Variants in GRM7 observed in about 807,000 individuals in gnomAD.
GRM7 encodes the protein metabotropic glutamate receptor 7.
In GRM7, 35 loss-of-function variants were observed where a neutral mutation model predicts 84.5. The observed-to-expected ratio is 0.41, with a 90% CI of 0.32 to 0.55. The LOEUF is 0.55. GRM7 is among the 20% of genes least tolerant of loss of function. GRM7 has a pLI of 0.19. For synonymous variants in GRM7, 487 were observed against 455.1 expected (o/e 1.07, Z -0.89); for missense variants, 1,003 against 1,194.6 (o/e 0.84, Z 2.36).
intron 8 of GRM7, among the ~76,000 whole-genome samples, chr3:7,663,987 G>A (rs1699572356): frequency 6.6e-6 from 1 of 152,204 alleles, no homozygotes; most frequent in Non-Finnish European, 1.5e-5. Flanking sequence ...GACAAGAAAA[G>A]CTTGTCTCAA....
chr3:7,213,686 C>T (rs543093372), intron 2 of GRM7, among the ~76,000 whole-genome samples: 9 of 152,230 alleles, frequency 5.9e-5, no homozygotes, highest in South Asian at 2.1e-4. Flanking sequence ...CTCAGTTGAG[C>T]CCATAGTGGA....
At chr3:7,270,093 A>G (rs1698797211) in intron 2 of GRM7, among the ~76,000 whole-genome samples, 1 of 152,244 alleles carries the variant, frequency 6.6e-6, no homozygotes, top group South Asian at 2.1e-4. Flanking sequence ...CATAGCATTT[A>G]CATTTCTAAG....
At chr3:7,010,177 A>G (rs1695323051) in intron 1 of GRM7, among the ~76,000 whole-genome samples, 1 of 152,306 alleles carries the variant, frequency 6.6e-6, no homozygotes, top group Admixed American at 6.5e-5. Context: ...CGGGACGGGC[A>G]TGGTGCCTTA....
At chr3:7,460,763 C>T (rs901080480) in intron 6 of GRM7, among the ~76,000 whole-genome samples, 2 of 152,110 alleles carry the variant, frequency 1.3e-5, no homozygotes, top group African/African-American at 2.4e-5. Flanking sequence ...CATAGTTTTC[C>T]AGTTGTTCTA....
chr3:7,146,769 T>G, intron 2 of GRM7, 101 bp downstream of exon 2: 3 of 766,802 alleles, frequency 3.9e-6, no homozygotes, highest in Non-Finnish European at 4.4e-6. Context: ...GACTCTTACA[T>G]TCCCAGAGTC....
At chr3:6,930,355 T>C (rs539796287) in intron 1 of GRM7, among the ~76,000 whole-genome samples, 30 of 152,344 alleles carry the variant, frequency 2.0e-4, no homozygotes, top group Admixed American at 3.9e-4. Flanking sequence ...TAAAACTTAC[T>C]GGAAGAACAT....
At chr3:7,007,804 G>C (rs556983925) in intron 1 of GRM7, among the ~76,000 whole-genome samples, 4 of 152,168 alleles carry the variant, frequency 2.6e-5, no homozygotes, top group Non-Finnish European at 5.9e-5. Context: ...GTCAGCAGTA[G>C]CTTCCAGTTT....
chr3:7,557,782 C>T (rs1394978011), intron 7 of GRM7, among the ~76,000 whole-genome samples: 1 of 152,096 alleles, frequency 6.6e-6, no homozygotes, highest in Non-Finnish European at 1.5e-5. Context: ...TGAATGGAGG[C>T]ACGAAAATGT....
chr3:7,233,071 C>G (rs140493693), intron 2 of GRM7, among the ~76,000 whole-genome samples: 1 of 152,082 alleles, frequency 6.6e-6, no homozygotes, highest in African/African-American at 2.4e-5. Flanking sequence ...AAAGCTATTA[C>G]CAAGTTTTGA....
chr3:6,876,284 A>G (rs541186498), intron 1 of GRM7, among the ~76,000 whole-genome samples: 1 of 151,812 alleles, frequency 6.6e-6, no homozygotes, highest in East Asian at 1.9e-4. Flanking sequence ...AAAAAAAATT[A>G]TTATGGCATG....
At position 7,337,397 on chromosome 3, in the gene GRM7, A is replaced by C. The variant is rs1701462331; in HGVS notation, c.1033+30745A>C. 1.3e-5 allele frequency among the ~76,000 whole-genome samples: 2 copies of C among 152,116 alleles called. 1 individual carries two copies. Among genetic ancestry groups the C allele is most frequent in the South Asian group, 4.1e-4 (2 of 4,834 alleles). On this transcript the variant is annotated intron_variant, in intron 4 of 9. Transcript: ENST00000357716. Reference sequence around the variant, plus strand: ...GAACCCACAACCAAATGCAACAAAGACAAATATAAGTAGATGGGACTTAAT... The same window carrying C: ...GAACCCACAACCAAATGCAACAAAGCCAAATATAAGTAGATGGGACTTAAT...
intron 2 of GRM7, among the ~76,000 whole-genome samples, chr3:7,192,876 A>G (rs1695755455): frequency 6.6e-6 from 1 of 152,102 alleles, no homozygotes; most frequent in Admixed American, 6.6e-5. Context: ...ATGAGATGTC[A>G]CTGGTGAATC....
At chr3:6,894,931 A>C (rs1696119996) in intron 1 of GRM7, among the ~76,000 whole-genome samples, 1 of 152,190 alleles carries the variant, frequency 6.6e-6, no homozygotes, top group East Asian at 1.9e-4. Context: ...AGTGTAATAA[A>C]CAGAGGCCAG....
At chr3:6,937,841 G>T (rs1697743677) in intron 1 of GRM7, among the ~76,000 whole-genome samples, 1 of 152,196 alleles carries the variant, frequency 6.6e-6, no homozygotes, top group Non-Finnish European at 1.5e-5. Flanking sequence ...TTGTGGTCAT[G>T]ATCATTATCA....
At chr3:6,957,687 T>C (rs1693116552) in intron 1 of GRM7, among the ~76,000 whole-genome samples, 1 of 152,156 alleles carries the variant, frequency 6.6e-6, no homozygotes, top group Non-Finnish European at 1.5e-5. Context: ...ATATCCACCA[T>C]CAGCCCATCC....
chr3:7,418,403 C>T (rs2125185833), intron 5 of GRM7, among the ~76,000 whole-genome samples: 1 of 152,260 alleles, frequency 6.6e-6, no homozygotes, highest in Non-Finnish European at 1.5e-5. Context: ...AACACAACTT[C>T]CATTTGACAG....
At chr3:7,127,497 A>C (rs1455434194) in intron 1 of GRM7, among the ~76,000 whole-genome samples, 1 of 152,222 alleles carries the variant, frequency 6.6e-6, no homozygotes, top group Non-Finnish European at 1.5e-5. Flanking sequence ...TGCTAAATTC[A>C]AAGCAGCTGC....
chr3:7,517,291 T>A (rs1402579263), intron 7 of GRM7, among the ~76,000 whole-genome samples: 1 of 152,178 alleles, frequency 6.6e-6, no homozygotes, highest in East Asian at 1.9e-4. Context: ...TTAATAAACA[T>A]TTGTCAAACA....
At chr3:7,215,619 C>G (rs893824925) in intron 2 of GRM7, among the ~76,000 whole-genome samples, 4 of 151,894 alleles carry the variant, frequency 2.6e-5, no homozygotes, top group South Asian at 4.2e-4. Context: ...GAGCTGAGAT[C>G]GCGCCACTGC....
Sources: gnomAD v4.1 joint callset for allele counts (sites outside exome capture counted in the v4.1 genomes callset) on GRCh38, gnomAD v4.1.1 for gene constraint, MANE v1.5 for transcripts, NCBI Gene and HGNC (gene_info 2026-07-23, HGNC 2026-07-21) for gene names.